Variants in ACSF3 observed in about 807,000 individuals in gnomAD.
The protein encoded by ACSF3 is malonate--CoA ligase ACSF3, mitochondrial.
A neutral mutation model predicts 53.2 loss-of-function variants in ACSF3; 78 were observed. The ratio of observed to expected loss-of-function variants is 1.47; its 90% confidence interval spans 1.22 to 1.77. The LOEUF (loss-of-function observed/expected upper bound fraction) is 1.77. ACSF3 is among the 40% of genes most tolerant of loss of function. The pLI is 0.00. For missense variants in ACSF3, 937 were observed against 771.1 expected, an observed-to-expected ratio of 1.22 and a Z score of -2.55; for synonymous variants, 414 against 333.1, an observed-to-expected ratio of 1.24 and a Z score of -2.65.
chr16:89,145,787 G>A, intron 9 of ACSF3, 151 bp from the exon 10 acceptor site: 2 of 778,232 alleles, frequency 2.6e-6, no homozygotes, highest in Admixed American at 1.9e-5. Flanking sequence ...GGCCCAGCCA[G>A]CACCAGGACG....
At chr16:89,132,562 G>A (rs1391841044) in intron 7 of ACSF3, among the ~76,000 whole-genome samples, 2 of 152,216 alleles carry the variant, frequency 1.3e-5, no homozygotes, top group African/African-American at 4.8e-5. Flanking sequence ...GCTTAACAGG[G>A]GCCTCCAGGG....
chr16:89,147,759 A>G (rs1193725316), intron 10 of ACSF3: 1 of 152,140 alleles, frequency 6.6e-6, no homozygotes, highest in Non-Finnish European at 1.5e-5. Context: ...ACAGATCCAA[A>G]CCATATCGTT....
chr16:89,124,358 C>T (rs111683659), intron 7 of ACSF3, among the ~76,000 whole-genome samples: 9 of 150,594 alleles, frequency 6.0e-5, no homozygotes, highest in African/African-American at 2.2e-4. Flanking sequence ...TGTGTGATAC[C>T]CCTGTGCACA....
chr16:89,138,222 C>T (rs369375123), intron 8 of ACSF3, among the ~76,000 whole-genome samples: 3 of 152,220 alleles, frequency 2.0e-5, no homozygotes, highest in East Asian at 1.9e-4. Context: ...ACGAGGTGGA[C>T]GCTGAGCCCC....
chr16:89,114,979 G>A (rs572692361), intron 6 of ACSF3: 2 of 260,764 alleles, frequency 7.7e-6, no homozygotes, highest in South Asian at 8.2e-5. Flanking sequence ...CTGATACCGG[G>A]CCCCTCTTGT....
intron 8 of ACSF3, among the ~76,000 whole-genome samples, chr16:89,139,848 G>A (rs11649694): frequency 4.6e-5 from 7 of 151,804 alleles, no homozygotes; most frequent in Non-Finnish European, 7.4e-5. Flanking sequence ...CCACCTCAGC[G>A]TCCCAAAGTG....
intron 1 of ACSF3, among the ~76,000 whole-genome samples, chr16:89,096,382 C>T (rs11076762): frequency 0.69 from 104,557 of 152,076 alleles, 36,599 homozygotes; most frequent in Admixed American, 0.75. Context: ...GCTGGGGTGC[C>T]TCTGGACCGG....
intron 8 of ACSF3, among the ~76,000 whole-genome samples, chr16:89,133,784 C>A (rs1909839083): frequency 6.6e-6 from 1 of 152,218 alleles, no homozygotes; most frequent in Non-Finnish European, 1.5e-5. Flanking sequence ...TTTACTGTTC[C>A]ACAAATTAGC....
intron 7 of ACSF3, among the ~76,000 whole-genome samples, chr16:89,124,341 A>G (rs562118135): frequency 2.0e-4 from 30 of 151,982 alleles, no homozygotes; most frequent in African/African-American, 7.2e-4. Context: ...TGCACACTAC[A>G]TGTATGTGTG....
chr16:89,125,696 A>G (rs892741659), intron 7 of ACSF3, among the ~76,000 whole-genome samples: 12 of 61,764 alleles, frequency 1.9e-4, no homozygotes, highest in South Asian at 4.1e-4. Flanking sequence ...CTCAAAAAAA[A>G]AAAGAGAGAG....
intron 1 of ACSF3, among the ~76,000 whole-genome samples, chr16:89,097,082 C>T (rs1423000799): frequency 6.6e-6 from 1 of 152,258 alleles, no homozygotes; most frequent in Non-Finnish European, 1.5e-5. Flanking sequence ...TGGCTTCGCC[C>T]TGCGGGGTGA....
chr16:89,137,929 C>T lies in ACSF3; in HGVS notation c.1366+4667C>T, dbSNP rs547807932. Among the ~76,000 whole-genome samples, 168 of 152,298 alleles carry T rather than the reference C, an allele frequency of 1.1e-3. 2 individuals are homozygous for T. The highest frequency in any genetic ancestry group is 3.7e-3 in the African/African-American group (152 of 41,556). On this transcript the variant is annotated intron_variant, in intron 8 of 10. Transcript: ENST00000614302. ...GCAAGAGTCCGCTGCTTCCAGGGCC[C>T]AGCTGGGGCTCCATGTGTCCCTGGG...
At chr16:89,136,179 C>T (rs1910422943) in intron 8 of ACSF3, among the ~76,000 whole-genome samples, 1 of 152,224 alleles carries the variant, frequency 6.6e-6, no homozygotes, top group Admixed American at 6.5e-5. Flanking sequence ...GCTCCCGGAG[C>T]CGCTGGGAGG....
intron 10 of ACSF3, chr16:89,153,834 C>G: frequency 1.8e-6 from 1 of 540,680 alleles, no homozygotes; most frequent in Non-Finnish European, 3.3e-6. Context: ...TGCCCTCGCC[C>G]AAGGCCTGCA....
Position 89,130,806 on chromosome 16 carries a change from G to A in ACSF3, c.1240-2330G>A, listed in dbSNP as rs188833165. 4.6e-5 allele frequency among the ~76,000 whole-genome samples: 7 copies of A among 152,226 alleles called. No individual in the cohort carries two copies. The East Asian group carries it at 5.8e-4, about 13-fold the overall frequency. Reference sequence around the variant, plus strand: ...GGTTTTTAGCCAAATTTTATCAAACGACTTTGTGCACCTAAGTGTTATCTT... The same window carrying A: ...GGTTTTTAGCCAAATTTTATCAAACAACTTTGTGCACCTAAGTGTTATCTT... On this transcript the variant is annotated intron_variant, in intron 7 of 10. Transcript: ENST00000614302.
intron 1 of ACSF3, among the ~76,000 whole-genome samples, chr16:89,097,376 G>A (rs867172933): frequency 3.3e-5 from 5 of 152,198 alleles, no homozygotes; most frequent in African/African-American, 9.7e-5. Context: ...GAGTGTCGCC[G>A]GCCGTCCTAG....
In ACSF3 at chr16:89,102,646, G is replaced by A. The variant is rs763619768; in HGVS notation, c.709G>A (p.Val237Met). The A allele has an allele frequency of 1.5e-5, 24 of 1,613,892 alleles. No individual in the cohort carries two copies. The highest frequency in any genetic ancestry group is 4.5e-5 in the East Asian group (2 of 44,884). The part of the protein sequence containing the change: ...VHKWAWTKDD[V>M]ILHVLPLHHV... ...CAAGTGGGCATGGACCAAAGACGAC[G>A]TGATCCTCCACGTGCTCCCGCTGCA... Residue 237 changes from valine to methionine, a missense_variant, in exon 4 of 11, where the codon GTG (valine) becomes ATG (methionine). Coordinates refer to ENST00000614302, the MANE Select transcript of ACSF3 (RefSeq NM_001243279.3).
chr16:89,154,056 G>A lies in ACSF3; in HGVS notation c.1614-34G>A, dbSNP rs1376900867. 7 of 1,601,940 alleles carry A rather than the reference G, an allele frequency of 4.4e-6. No homozygotes were observed. In the South Asian group the frequency reaches 5.6e-5, roughly 13 times the overall value. ...AGTTCCTCCTGCTGGGCACTGTCAG[G>A]GCAGTGCGCCTCAGGCTGTGCTTGT... On this transcript the variant is annotated intron_variant, in intron 10 of 10. Coordinates refer to ENST00000614302, the MANE Select transcript of ACSF3 (RefSeq NM_001243279.3).
intron 6 of ACSF3, among the ~76,000 whole-genome samples, chr16:89,119,159 G>A (rs1905986156): frequency 6.6e-6 from 1 of 152,168 alleles, no homozygotes; most frequent in Non-Finnish European, 1.5e-5. Context: ...CAATACCACT[G>A]CTTGGCTGCT....
Sources: gnomAD v4.1 joint callset for allele counts (sites outside exome capture counted in the v4.1 genomes callset) on GRCh38, gnomAD v4.1.1 for gene constraint, MANE v1.5 for transcripts, NCBI Gene and HGNC (gene_info 2026-07-23, HGNC 2026-07-21) for gene names.